Variants in SKIC3 observed in about 807,000 individuals in gnomAD.
SKIC3 encodes SKI3 subunit of superkiller complex.
the SKIC3 span, among the ~76,000 whole-genome samples, chr5:95,466,907 C>T: frequency 2.6e-5 from 4 of 152,102 alleles, no homozygotes; most frequent in Non-Finnish European, 5.9e-5. Flanking sequence ...AAAAACTGGA[C>T]AAAATATTTT....
the SKIC3 span, among the ~76,000 whole-genome samples, chr5:95,534,736 C>T: frequency 2.0e-5 from 3 of 152,104 alleles, no homozygotes; most frequent in African/African-American, 7.2e-5. Context: ...CCCTCCAAGC[C>T]AGCCAGCACT....
the SKIC3 span, chr5:95,540,687 T>C: frequency 1.9e-6 from 3 of 1,614,066 alleles, no homozygotes; most frequent in Non-Finnish European, 2.5e-6. Flanking sequence ...AATGAGTCAA[T>C]ACCAATTGCT....
At chr5:95,509,375 C>A in the SKIC3 span, among the ~76,000 whole-genome samples, 11 of 152,136 alleles carry the variant, frequency 7.2e-5, no homozygotes, top group African/African-American at 2.7e-4. Flanking sequence ...AACCTCTCAG[C>A]AAAGCGAGAG....
At chr5:95,495,329 G>T in the SKIC3 span, 1 of 281,238 alleles carries the variant, frequency 3.6e-6, no homozygotes. Flanking sequence ...GACTGAGAGA[G>T]ATCACAAAGA....
At chr5:95,477,176 AAATAGTGAACTAC>A in the SKIC3 span, among the ~76,000 whole-genome samples, 1,177 of 152,318 alleles carry the variant, frequency 7.7e-3, 14 homozygotes, top group African/African-American at 0.026. Flanking sequence ...AAACAAAATA[AAATAGTGAACTAC>A]AATTAGTTGG....
At chr5:95,485,979 ACC>A in the SKIC3 span, among the ~76,000 whole-genome samples, 2 of 151,886 alleles carry the variant, frequency 1.3e-5, no homozygotes, top group Non-Finnish European at 2.9e-5. Flanking sequence ...TAGGAAAGAG[ACC>A]CCTAACAGTT....
At chr5:95,482,765 C>A in the SKIC3 span, 1 of 877,700 alleles carries the variant, frequency 1.1e-6, no homozygotes, top group Non-Finnish European at 1.7e-6. Context: ...AAAACAACTG[C>A]AAATAATTAA....
the SKIC3 span, among the ~76,000 whole-genome samples, chr5:95,479,423 A>G: frequency 1.3e-5 from 2 of 152,170 alleles, no homozygotes; most frequent in Non-Finnish European, 2.9e-5. Context: ...AACAATCTCA[A>G]TTAAGATCCC....
At chr5:95,468,515 A>G in the SKIC3 span, among the ~76,000 whole-genome samples, 1 of 152,208 alleles carries the variant, frequency 6.6e-6, no homozygotes, top group African/African-American at 2.4e-5. Flanking sequence ...AACCCATGTA[A>G]TAACAGGCTG....
At chr5:95,517,909 T>C in the SKIC3 span, among the ~76,000 whole-genome samples, 1 of 152,028 alleles carries the variant, frequency 6.6e-6, no homozygotes. Flanking sequence ...AATGGGTTAG[T>C]TGTCACAGGA....
chr5:95,511,972 T>A, the SKIC3 span, among the ~76,000 whole-genome samples: 1 of 152,236 alleles, frequency 6.6e-6, no homozygotes, highest in East Asian at 1.9e-4. Flanking sequence ...CCTAAATGTA[T>A]CTTTCCAATA....
chr5:95,512,743 G>C, the SKIC3 span: 1 of 1,092,984 alleles, frequency 9.1e-7, no homozygotes, highest in Non-Finnish European at 1.3e-6. Flanking sequence ...TAAGTCAATT[G>C]TTAAAAGTAC....
the SKIC3 span, chr5:95,512,633 A>C: frequency 1.9e-6 from 3 of 1,613,820 alleles, no homozygotes; most frequent in South Asian, 2.2e-5. Flanking sequence ...AAAAAAGCCA[A>C]CGTTAAGCAG....
At chr5:95,508,182 C>T in the SKIC3 span, among the ~76,000 whole-genome samples, 1 of 152,160 alleles carries the variant, frequency 6.6e-6, no homozygotes, top group Non-Finnish European at 1.5e-5. Flanking sequence ...CGGAGAGATC[C>T]ATAAAAGCAT....
the SKIC3 span, among the ~76,000 whole-genome samples, chr5:95,479,350 G>A: frequency 3.4e-4 from 52 of 152,168 alleles, no homozygotes; most frequent in African/African-American, 1.2e-3. Context: ...CACATTTGTG[G>A]ACAGAAAATA....
the SKIC3 span, chr5:95,506,820 T>G: frequency 1.9e-6 from 2 of 1,059,660 alleles, no homozygotes; most frequent in Non-Finnish European, 1.4e-6. Context: ...ATGGAAATTA[T>G]GTATCCTACA....
the SKIC3 span, among the ~76,000 whole-genome samples, chr5:95,532,980 C>A: frequency 1.3e-5 from 2 of 151,976 alleles, no homozygotes; most frequent in Non-Finnish European, 2.9e-5. Flanking sequence ...GGGAAAAAAA[C>A]CATGTACAAT....
chr5:95,538,965 AAG>A, the SKIC3 span, among the ~76,000 whole-genome samples: 21 of 152,302 alleles, frequency 1.4e-4, no homozygotes, highest in African/African-American at 2.6e-4. Context: ...TACAGTGATT[AAG>A]TTACTGATGT....
At chr5:95,504,914 A>T in the SKIC3 span, among the ~76,000 whole-genome samples, 12 of 152,138 alleles carry the variant, frequency 7.9e-5, no homozygotes, top group African/African-American at 2.9e-4. Flanking sequence ...CTGAGGCAGG[A>T]GAATCACTTG....
Sources: allele counts gnomAD v4.1 joint callset (sites outside exome capture counted in the v4.1 genomes callset), GRCh38; gene constraint gnomAD v4.1.1; transcripts MANE v1.5; gene names NCBI Gene and HGNC (gene_info 2026-07-23, HGNC 2026-07-21).